The following BCAR3 variants were observed in gnomAD, a reference collection of about 807,000 sequenced individuals.
The protein encoded by BCAR3 is BCAR3 adaptor protein, NSP family member, also known as breast cancer anti-estrogen resistance protein 3.
In BCAR3, 37 loss-of-function variants were observed where a neutral mutation model predicts 80.1. The ratio of observed to expected loss-of-function variants is 0.46; its 90% CI spans 0.36 to 0.61. BCAR3 has a LOEUF of 0.61. Ranked by LOEUF, BCAR3 falls within the 20% of genes least tolerant of loss-of-function variation. The pLI, the probability that BCAR3 is intolerant of heterozygous loss-of-function variation, is 0.00. For missense variants in BCAR3, 978 were observed against 1,068.2 expected (o/e 0.92, Z 1.18); for synonymous variants, 389 against 418.9 (o/e 0.93, Z 0.87).
At chr1:93,632,977 T>C (rs1675674010) in intron 3 of BCAR3, among the ~76,000 whole-genome samples, 1 of 151,920 alleles carries the variant, frequency 6.6e-6, no homozygotes, top group South Asian at 2.1e-4. Flanking sequence ...CGAGATTGCA[T>C]GGTTGCACTC....
At chr1:93,757,557 C>G in intron 2 of BCAR3, among the ~76,000 whole-genome samples, 1 of 152,228 alleles carries the variant, frequency 6.6e-6, no homozygotes, top group Non-Finnish European at 1.5e-5. Context: ...AGCATCACGA[C>G]TCCTCTGCAC....
At chr1:93,651,872 T>C (rs1676336447) in intron 2 of BCAR3, among the ~76,000 whole-genome samples, 1 of 152,166 alleles carries the variant, frequency 6.6e-6, no homozygotes, top group Non-Finnish European at 1.5e-5. Context: ...CAAGCCCGTG[T>C]CAGCACTGAT....
At chr1:93,620,405 G>A (rs941804710) in intron 3 of BCAR3, among the ~76,000 whole-genome samples, 1 of 152,180 alleles carries the variant, frequency 6.6e-6, no homozygotes, top group African/African-American at 2.4e-5. Context: ...GGCAGCAGGT[G>A]TATCCACAGC....
In BCAR3 at chr1:93,674,692, C is replaced by T. The variant is rs749596481; in HGVS notation, c.239G>A (p.Arg80Gln). Residue 80 changes from arginine to glutamine, a missense_variant, in exon 2 of 12, where the codon CGG becomes CAG. Transcript: ENST00000260502. ...ATCCTGGGTCACAGGCGAGTTCTGC[C>T]GTGGGGATTTGGAGTGGGGGAGGGT... ...MGTLPHSKSPRQNSPVTQDGI... is the reference protein window; with the variant it reads ...MGTLPHSKSPQQNSPVTQDGI... 2.6e-5 allele frequency: 42 copies of T among 1,613,974 alleles called. No homozygotes were observed. The highest frequency in any genetic ancestry group is 3.3e-5 in the Non-Finnish European group (39 of 1,179,990).
chr1:93,582,481 G>T lies in BCAR3; in HGVS notation c.1506C>A (p.Gly502=), dbSNP rs778939397. 2 of 1,614,112 alleles carry T rather than the reference G, an allele frequency of 1.2e-6. No homozygotes were observed. The highest frequency in any genetic ancestry group is 1.7e-5 in the Admixed American group (1 of 60,016). Residue 502 remains glycine, a synonymous_variant, in exon 7 of 12, where the codon GGC becomes GGA. Coordinates refer to ENST00000260502, the MANE Select transcript of BCAR3 (RefSeq NM_003567.4). The part of the protein sequence containing the change: ...AQMEKGQWDK[G]EFVTPLLETV... ...TCTCCAGGAGGGGCGTCACAAACTC[G>T]CCCTTGTCCCACTGCCCCTTCTCCA... is the stretch of plus-strand genomic sequence containing the variant.
At chr1:93,607,994 G>C (rs1265593969) in intron 3 of BCAR3, among the ~76,000 whole-genome samples, 2 of 152,218 alleles carry the variant, frequency 1.3e-5, no homozygotes, top group Non-Finnish European at 2.9e-5. Context: ...GAAGGGCGAT[G>C]AATCAATGGC....
intron 2 of BCAR3, among the ~76,000 whole-genome samples, chr1:93,778,968 G>A (rs760025355): frequency 1.1e-4 from 17 of 152,136 alleles, no homozygotes; most frequent in Non-Finnish European, 2.2e-4. Flanking sequence ...GGTCATGGTA[G>A]GAGCTCAATT....
intron 2 of BCAR3, among the ~76,000 whole-genome samples, chr1:93,653,804 G>A (rs992776763): frequency 6.6e-6 from 1 of 152,106 alleles, no homozygotes; most frequent in African/African-American, 2.4e-5. Flanking sequence ...GGTAGGTGGT[G>A]ATGCGAAATG....
intron 3 of BCAR3, among the ~76,000 whole-genome samples, chr1:93,632,646 C>T (rs1675663058): frequency 6.6e-6 from 1 of 152,180 alleles, no homozygotes; most frequent in Non-Finnish European, 1.5e-5. Flanking sequence ...ATAGGAAAAG[C>T]AGCCACAGAC....
chr1:93,598,994 T>C (rs1674532547), intron 3 of BCAR3: 1 of 151,888 alleles, frequency 6.6e-6, no homozygotes, highest in African/African-American at 2.4e-5. Flanking sequence ...AACAATGGTA[T>C]GTTATGTATT....
chr1:93,610,617 T>C (rs1674917636), intron 3 of BCAR3, among the ~76,000 whole-genome samples: 1 of 152,126 alleles, frequency 6.6e-6, no homozygotes, highest in African/African-American at 2.4e-5. Flanking sequence ...ATCATCTTAT[T>C]TTAGGCGTCA....
intron 2 of BCAR3, among the ~76,000 whole-genome samples, chr1:93,737,376 A>C (rs1408093091): frequency 1.3e-5 from 2 of 152,182 alleles, no homozygotes; most frequent in African/African-American, 4.8e-5. Flanking sequence ...CTAGTAATTG[A>C]TGCCTATATA....
intron 1 of BCAR3, among the ~76,000 whole-genome samples, chr1:93,677,986 C>T (rs1648571797): frequency 6.6e-6 from 1 of 152,224 alleles, no homozygotes; most frequent in South Asian, 2.1e-4. Context: ...TATACCCCTG[C>T]TCTCTCTTAC....
rs1225847078 is a variant in BCAR3 at position 93,757,785 on chromosome 1, C to G, written c.-62-51643G>C. Among the ~76,000 whole-genome samples the G allele has an allele frequency of 2.0e-5, 3 of 152,214 alleles. No individual in the cohort carries two copies. The East Asian group carries it at 5.8e-4, about 29-fold the overall frequency. On this transcript the variant is annotated intron_variant, in intron 2 of 13. Coordinates refer to the BCAR3 transcript ENST00000370244. ...GCCTGCAGAATGCACATGCTGGCCT[C>G]TGTGCTGGCAGCCTCTTGCCCATTA...
intron 3 of BCAR3, among the ~76,000 whole-genome samples, chr1:93,630,307 A>T (rs1675575442): frequency 6.6e-6 from 1 of 152,138 alleles, no homozygotes; most frequent in African/African-American, 2.4e-5. Context: ...CTCACATGCT[A>T]GTGAGAAGTC....
chr1:93,775,716 T>C (rs868351879), intron 2 of BCAR3, among the ~76,000 whole-genome samples: 4 of 152,172 alleles, frequency 2.6e-5, no homozygotes, highest in Admixed American at 2.0e-4. Flanking sequence ...TTTGCTGCTA[T>C]GAAAATGTCT....
intron 3 of BCAR3, among the ~76,000 whole-genome samples, chr1:93,604,980 C>T (rs1017281657): frequency 1.3e-5 from 2 of 152,214 alleles, no homozygotes; most frequent in Non-Finnish European, 2.9e-5. Flanking sequence ...CCTACAGCCT[C>T]ACTCAAAGCT....
chr1:93,768,325 G>A (rs1652230320), intron 2 of BCAR3, among the ~76,000 whole-genome samples: 1 of 152,028 alleles, frequency 6.6e-6, no homozygotes, highest in Admixed American at 6.6e-5. Context: ...ATATAAATAC[G>A]AAGCAATCAA....
chr1:93,804,077 G>T (rs1327365649), intron 2 of BCAR3, among the ~76,000 whole-genome samples: 3 of 152,218 alleles, frequency 2.0e-5, no homozygotes, highest in African/African-American at 7.2e-5. Context: ...TTGGGAGGCT[G>T]AGGTGGGAGG....
Sources: gnomAD v4.1 joint callset for allele counts (sites outside exome capture counted in the v4.1 genomes callset) on GRCh38, gnomAD v4.1.1 for gene constraint, MANE v1.5 for transcripts, NCBI Gene and HGNC (gene_info 2026-07-23, HGNC 2026-07-21) for gene names.